The following CA9 variants were observed in gnomAD, a reference collection of about 807,000 sequenced individuals.
The protein encoded by CA9 is carbonic anhydrase 9.
A neutral mutation model predicts 51.8 loss-of-function variants in CA9; 43 were observed. The observed-to-expected ratio is 0.83, with a 90% CI of 0.65 to 1.07. The LOEUF is 1.07. Among genes scored for constraint, CA9 ranks in the 50% least tolerant of loss-of-function variants. CA9 has a pLI of 0.00. For missense variants in CA9, 574 were observed against 581.4 expected, an observed-to-expected ratio of 0.99 and a Z score of 0.13; for synonymous variants, 253 against 244.2, an observed-to-expected ratio of 1.04 and a Z score of -0.34.
In CA9 at chr9:35,680,020, C is replaced by T. The variant is rs766435358; in HGVS notation, c.1210+22C>T. The T allele has an allele frequency of 3.1e-6, 5 of 1,614,198 alleles. No individual in the cohort carries two copies. In the Admixed American group the frequency reaches 8.3e-5, roughly 27 times the overall value. Reference sequence around the variant, plus strand: ...CCAGGTACAGCTTTGTCTGGTTTCCCCCCAGCCAGTAGTCCCTTATCCTCC... The same window carrying T: ...CCAGGTACAGCTTTGTCTGGTTTCCTCCCAGCCAGTAGTCCCTTATCCTCC... On this transcript the variant is annotated intron_variant, in intron 8 of 10. Coordinates refer to ENST00000378357, the MANE Select transcript of CA9 (RefSeq NM_001216.3).
At chr9:35,680,250 C>A in intron 9 of CA9, 111 bp downstream of exon 9, 4 of 1,210,698 alleles carry the variant, frequency 3.3e-6, no homozygotes, top group Non-Finnish European at 4.9e-6. Context: ...CAGAACAGAC[C>A]CCAACCCCAA....
In CA9 at chr9:35,679,300, C is replaced by G; in HGVS notation, c.1023C>G (p.Ile341Met). The change falls in exon 7 of 11, where the codon ATC becomes ATG. Residue 341 changes from isoleucine to methionine, a missense_variant. Physicochemically the swap from Ile to Met is conservative, Grantham distance 10. Transcript: ENST00000378357. ...CACCGCCCTGTGCCCAGGGTGTCAT[C>G]TGGACTGTGTTTAACCAGACAGTGA... The part of the protein sequence containing the change: ...LTTPPCAQGV[I>M]WTVFNQTVML... The G allele has an allele frequency of 4.3e-6, 7 of 1,614,162 alleles. No individual in the cohort carries two copies. Among genetic ancestry groups the G allele is most frequent in the Non-Finnish European group, 5.9e-6 (7 of 1,180,020 alleles).
Position 35,674,053 on chromosome 9 carries a change from C to T in CA9, c.94C>T (p.Leu32=). The T allele has an allele frequency of 1.2e-6, 2 of 1,614,218 alleles. No homozygotes were observed. Among genetic ancestry groups the T allele is most frequent in the Non-Finnish European group, 1.7e-6 (2 of 1,180,036 alleles). ...GCAACTGCTGCTGTCACTGCTGCTTCTGGTGCCTGTCCATCCCCAGAGGTT... is the reference window on the plus strand; with the variant it reads ...GCAACTGCTGCTGTCACTGCTGCTTTTGGTGCCTGTCCATCCCCAGAGGTT... ...TVQLLLSLLL[L]VPVHPQRLPR... The change falls in exon 1 of 11, where the codon CTG becomes TTG. Residue 32 remains leucine, a synonymous_variant. Transcript: ENST00000378357.
chr9:35,680,061 G>A (rs1824506062), intron 8 of CA9, 52 bp from the exon 9 acceptor site: 2 of 1,614,058 alleles, frequency 1.2e-6, no homozygotes, highest in Admixed American at 1.7e-5. Context: ...GTGTGCCAGT[G>A]TCTGTCATTG....
At position 35,678,032 on chromosome 9, in the gene CA9, C is replaced by T. The variant is rs751524774; in HGVS notation, c.907+176C>T. ...GCTGACAGACACAGTTACCCGCAAA[C>T]GGCTGCCTACAGATTGAAAACCAAG... On this transcript the variant is annotated intron_variant, in intron 6 of 10. Transcript: ENST00000378357. Among the ~76,000 whole-genome samples the T allele has an allele frequency of 6.6e-5, 10 of 152,134 alleles. 1 individual carries two copies. The highest frequency in any genetic ancestry group is 6.2e-4 in the South Asian group (3 of 4,824).
intron 6 of CA9, among the ~76,000 whole-genome samples, chr9:35,678,507 A>C: frequency 6.6e-6 from 1 of 152,040 alleles, no homozygotes; most frequent in Non-Finnish European, 1.5e-5. Flanking sequence ...TAACTTTGTA[A>C]ATACTTTTGT....
At chr9:35,675,286 G>T (rs1824393610) in intron 1 of CA9, 1 of 569,334 alleles carries the variant, frequency 1.8e-6, no homozygotes, top group African/African-American at 1.9e-5. Flanking sequence ...GAGCCACAGC[G>T]CCTGGCCTGA....
At position 35,676,145 on chromosome 9, in the gene CA9, G is replaced by C; in HGVS notation, c.686G>C (p.Trp229Ser). 1 of 1,613,156 alleles carries C rather than the reference G, an allele frequency of 6.2e-7. No homozygotes were observed. Among genetic ancestry groups the C allele is most frequent in the Non-Finnish European group, 8.5e-7 (1 of 1,179,602 alleles). The stretch of plus-strand genomic sequence containing the variant: ...CGGGCTCTGCAGCTGCATCTGCACT[G>C]GGGGGCTGCAGGTCGTCCGGGCTCG... ...EYRALQLHLH[W>S]GAAGRPGSEH... The change falls in exon 4 of 11, where the codon TGG becomes TCG. Residue 229 changes from tryptophan to serine, a missense_variant. By Grantham distance (177) the Trp-to-Ser change is radical (BLOSUM62 -3). Coordinates refer to ENST00000378357, the MANE Select transcript of CA9 (RefSeq NM_001216.3).
Position 35,678,239 on chromosome 9 carries a change from G to C in CA9, c.907+383G>C, listed in dbSNP as rs567532532. ...CGGGTGCCTGTAATCCCAGCTACTC[G>C]GGAGGCTGAGGCAGGAGAATGGCAT... On this transcript the variant is annotated intron_variant, in intron 6 of 10. Transcript: ENST00000378357. Among the ~76,000 whole-genome samples the C allele has an allele frequency of 1.9e-3, 287 of 151,770 alleles. 3 individuals carry two copies. Among genetic ancestry groups the C allele is most frequent in the Admixed American group, 0.017 (257 of 15,248 alleles).
At chr9:35,675,490 G>C in intron 1 of CA9, 48 bp from the exon 2 acceptor site, 1 of 1,609,746 alleles carries the variant, frequency 6.2e-7, no homozygotes, top group Non-Finnish European at 8.5e-7. Context: ...TCGCCAGGAA[G>C]GGATTGGGGC....
intron 6 of CA9, among the ~76,000 whole-genome samples, chr9:35,678,414 T>C (rs1430298231): frequency 2.2e-5 from 3 of 136,862 alleles, no homozygotes; most frequent in Admixed American, 2.2e-4. Flanking sequence ...GACCAAAAAA[T>C]GGTGTTTGGA....
intron 3 of CA9, 45 bp downstream of exon 3, chr9:35,675,976 A>T (rs763879912): frequency 8.1e-6 from 13 of 1,600,128 alleles, no homozygotes; most frequent in Non-Finnish European, 1.0e-5. Context: ...GGCGGGGCGC[A>T]GGGAAGGGAA....
chr9:35,676,447 C>G, intron 5 of CA9, 58 bp downstream of exon 5: 1 of 1,401,318 alleles, frequency 7.1e-7, no homozygotes, highest in Non-Finnish European at 1.0e-6. Context: ...TCCTCCCGGA[C>G]TCTATCGTGG....
rs1308562779 is a variant in CA9 at position 35,674,009 on chromosome 9, C to T, written c.50C>T (p.Pro17Leu). The change falls in exon 1 of 11, where the codon CCT becomes CTT. Residue 17 changes from proline (P) to leucine (L), a missense_variant. Physicochemically the swap from Pro to Leu is moderately conservative, Grantham distance 98. Transcript: ENST00000378357. ...SPWLPLLIPA[P>L]APGLTVQLLL... Reference sequence around the variant, plus strand: ...TGGCTCCCTCTGTTGATCCCGGCCCCTGCTCCAGGCCTCACTGTGCAACTG... The same window carrying T: ...TGGCTCCCTCTGTTGATCCCGGCCCTTGCTCCAGGCCTCACTGTGCAACTG... 1 of 1,613,242 alleles carries T rather than the reference C, an allele frequency of 6.2e-7. No individual in the cohort carries two copies. Among genetic ancestry groups the T allele is most frequent in the South Asian group, 1.1e-5 (1 of 90,924 alleles).
In CA9 at chr9:35,674,094, G is replaced by A. The variant is rs1824370431; in HGVS notation, c.135G>A (p.Glu45=). Residue 45 remains glutamate, a synonymous_variant, in exon 1 of 11, where the codon GAG becomes GAA. Transcript: ENST00000378357. The part of the protein sequence containing the change: ...VHPQRLPRMQ[E]DSPLGGGSSG... Reference sequence around the variant, plus strand: ...CCCAGAGGTTGCCCCGGATGCAGGAGGATTCCCCCTTGGGAGGAGGCTCTT... The same window carrying A: ...CCCAGAGGTTGCCCCGGATGCAGGAAGATTCCCCCTTGGGAGGAGGCTCTT... 1 of 1,614,056 alleles carries A rather than the reference G, an allele frequency of 6.2e-7. No homozygotes were observed. The highest frequency in any genetic ancestry group is 1.7e-5 in the Admixed American group (1 of 60,008).
Position 35,675,867 on chromosome 9 carries a change from G to C in CA9, c.540G>C (p.Leu180=). The change falls in exon 3 of 11, where the codon CTG becomes CTC. Residue 180 remains leucine (L), a synonymous_variant. Coordinates refer to ENST00000378357, the MANE Select transcript of CA9 (RefSeq NM_001216.3). ...LAAFCPALRP[L]ELLGFQLPPL... The stretch of plus-strand genomic sequence containing the variant: ...CCTTCTGCCCGGCCCTGCGCCCCCT[G>C]GAACTCCTGGGCTTCCAGCTCCCGC... 6.2e-7 allele frequency: 1 copy of C among 1,606,164 alleles called. No individual in the cohort carries two copies. The highest frequency in any genetic ancestry group is 8.5e-7 in the Non-Finnish European group (1 of 1,179,280).
chr9:35,675,695 T>G, intron 2 of CA9, 66 bp from the exon 3 acceptor site: 1 of 1,535,768 alleles, frequency 6.5e-7, no homozygotes, highest in East Asian at 2.3e-5. Flanking sequence ...CCTCACCTTT[T>G]CTACCCGGGT....
At position 35,681,137 on chromosome 9, in the gene CA9, T is replaced by A. The variant is rs1054610179; in HGVS notation, c.*112T>A. 63 of 613,164 alleles carry A rather than the reference T, an allele frequency of 1.0e-4. No homozygotes were observed. Among genetic ancestry groups the A allele is most frequent in the Non-Finnish European group, 1.5e-4 (58 of 381,100 alleles). The allele number at this position is 613,164 out of a possible 1,614,324, so 38.0% of individuals were successfully genotyped here. On this transcript the variant is annotated 3_prime_UTR_variant, in exon 11 of 11. Coordinates refer to ENST00000378357, the MANE Select transcript of CA9 (RefSeq NM_001216.3). ...TCCTTTTAACTGCCAAGAAATTTTT[T>A]AAAATAAATATTTATAATAAAATAT...
At chr9:35,679,484 G>GA (rs1824488082) in intron 7 of CA9, 142 bp downstream of exon 7, 1 of 1,107,896 alleles carries the variant, frequency 9.0e-7, no homozygotes, top group Non-Finnish European at 1.3e-6. Flanking sequence ...GCTGAGGTGG[G>GA]AGAATGGTTT....
Sources: gnomAD v4.1 joint callset for allele counts (sites outside exome capture counted in the v4.1 genomes callset) on GRCh38, gnomAD v4.1.1 for gene constraint, MANE v1.5 for transcripts, NCBI Gene and HGNC (gene_info 2026-07-23, HGNC 2026-07-21) for gene names.